The following CDH2 variants were observed in gnomAD, a reference collection of about 807,000 sequenced individuals.
CDH2 encodes cadherin-2.
CDH2 carries 17 observed loss-of-function variants against 92.0 expected under a neutral mutation model. That is an observed-to-expected ratio of 0.18 (90% CI 0.13 to 0.28). CDH2 has a LOEUF of 0.28. CDH2 is among the 10% of genes least tolerant of loss of function. The pLI, the probability that CDH2 is intolerant of heterozygous loss-of-function variation, is 1.00. For synonymous variants in CDH2, 419 were observed against 415.9 expected (o/e 1.01, Z -0.09); for missense variants, 862 against 1,133.1 (o/e 0.76, Z 3.44).
chr18:28,171,532 G>A (rs2016464322), intron 1 of CDH2, among the ~76,000 whole-genome samples: 1 of 152,036 alleles, frequency 6.6e-6, no homozygotes, highest in South Asian at 2.1e-4. Flanking sequence ...AGGTAGCACA[G>A]CCAATGAAGA....
chr18:28,020,375 C>A (rs1224607810), intron 2 of CDH2, among the ~76,000 whole-genome samples: 1 of 151,780 alleles, frequency 6.6e-6, no homozygotes, highest in Admixed American at 6.6e-5. Context: ...AAAAATAGTA[C>A]ATAGAAACGA....
downstream of CDH2, among the ~76,000 whole-genome samples, chr18:27,948,700 A>G (rs889153385): frequency 7.9e-5 from 12 of 151,978 alleles, no homozygotes; most frequent in African/African-American, 2.9e-4. Flanking sequence ...TAGTAATCAG[A>G]AAAGTCTAAT....
At chr18:27,996,696 TTTG>T (rs1599020262) in intron 7 of CDH2, among the ~76,000 whole-genome samples, 1 of 152,230 alleles carries the variant, frequency 6.6e-6, no homozygotes. Context: ...GGGCCCTTGC[TTTG>T]TTGATGCTTG....
At chr18:28,166,153 T>TATATAC (rs1292134875) in intron 1 of CDH2, among the ~76,000 whole-genome samples, 1 of 132,232 alleles carries the variant, frequency 7.6e-6, no homozygotes, top group Non-Finnish European at 1.6e-5. Context: ...CACACTCATA[T>TATATAC]ATATATATAT....
At chr18:27,994,378 GATT>G (rs1402161079) in intron 7 of CDH2, among the ~76,000 whole-genome samples, 5 of 152,192 alleles carry the variant, frequency 3.3e-5, no homozygotes, top group African/African-American at 1.2e-4. Context: ...ACATGTAGAT[GATT>G]ATTATTAGAC....
At chr18:28,129,082 C>T (rs987979279) in intron 2 of CDH2, among the ~76,000 whole-genome samples, 2 of 152,134 alleles carry the variant, frequency 1.3e-5, no homozygotes, top group African/African-American at 2.4e-5. Flanking sequence ...CATTAGGCAT[C>T]GTATGTTAAG....
intron 2 of CDH2, among the ~76,000 whole-genome samples, chr18:28,130,094 A>G (rs1241122156): frequency 1.3e-5 from 2 of 152,220 alleles, no homozygotes; most frequent in Non-Finnish European, 2.9e-5. Context: ...ATTGTAGAGC[A>G]TAAAGAAACT....
At chr18:28,157,067 T>G (rs1299492524) in intron 1 of CDH2, among the ~76,000 whole-genome samples, 1 of 152,162 alleles carries the variant, frequency 6.6e-6, no homozygotes, top group African/African-American at 2.4e-5. Flanking sequence ...ACCTACAGAT[T>G]TAATTGGCAG....
intron 1 of CDH2, among the ~76,000 whole-genome samples, chr18:28,160,676 C>T (rs781720825): frequency 1.7e-4 from 26 of 152,158 alleles, no homozygotes; most frequent in Non-Finnish European, 3.7e-4. Context: ...ACTGAAAACA[C>T]CTGTTCCACC....
chr18:27,969,292 T>C (rs1439423124), intron 14 of CDH2, among the ~76,000 whole-genome samples: 1 of 152,230 alleles, frequency 6.6e-6, no homozygotes, highest in African/African-American at 2.4e-5. Context: ...CTATACATTT[T>C]AATCTTACTG....
intron 2 of CDH2, among the ~76,000 whole-genome samples, chr18:28,124,268 G>A (rs1034296222): frequency 6.6e-6 from 1 of 151,990 alleles, no homozygotes; most frequent in African/African-American, 2.4e-5. Context: ...TCATTTGGAA[G>A]GACATTATTT....
chr18:28,090,866 T>C (rs1208671267), intron 2 of CDH2, among the ~76,000 whole-genome samples: 1 of 152,168 alleles, frequency 6.6e-6, no homozygotes, highest in Non-Finnish European at 1.5e-5. Flanking sequence ...AATAATCCTT[T>C]TATTCCTTTT....
intron 3 of CDH2, among the ~76,000 whole-genome samples, chr18:28,012,364 T>G (rs1194651668): frequency 2.0e-5 from 3 of 152,212 alleles, no homozygotes; most frequent in African/African-American, 7.2e-5. Flanking sequence ...ACATTAAATT[T>G]AGATCTTGAT....
chr18:28,041,924 A>G (rs1372753534), intron 2 of CDH2, among the ~76,000 whole-genome samples: 1 of 152,186 alleles, frequency 6.6e-6, no homozygotes, highest in Non-Finnish European at 1.5e-5. Context: ...TATTTATTAA[A>G]GAAACAAATT....
intron 2 of CDH2, among the ~76,000 whole-genome samples, chr18:28,092,789 T>C (rs2015060314): frequency 6.6e-6 from 1 of 152,226 alleles, no homozygotes; most frequent in South Asian, 2.1e-4. Flanking sequence ...AACAGAATTG[T>C]AGAAGTCTTC....
chr18:27,980,185 A>G (rs1368137054), intron 14 of CDH2, among the ~76,000 whole-genome samples: 1 of 152,186 alleles, frequency 6.6e-6, no homozygotes, highest in Non-Finnish European at 1.5e-5. Flanking sequence ...AACTTAAGTC[A>G]CCGTGAGTCA....
At chr18:28,104,907 A>C (rs975885535) in intron 2 of CDH2, among the ~76,000 whole-genome samples, 1 of 152,028 alleles carries the variant, frequency 6.6e-6, no homozygotes, top group African/African-American at 2.4e-5. Flanking sequence ...GATACTCACC[A>C]TAATGAAATA....
intron 6 of CDH2, among the ~76,000 whole-genome samples, chr18:27,936,090 T>G (rs1160342191): frequency 6.6e-6 from 1 of 152,192 alleles, no homozygotes; most frequent in Admixed American, 6.5e-5. Flanking sequence ...TTCTTGACAA[T>G]AGAAGACAGA....
intron 2 of CDH2, among the ~76,000 whole-genome samples, chr18:28,146,907 C>A (rs886355618): frequency 1.3e-5 from 2 of 151,966 alleles, no homozygotes; most frequent in African/African-American, 4.8e-5. Flanking sequence ...TGACATTTTG[C>A]GTAATAATAA....
Sources: allele counts gnomAD v4.1 joint callset (sites outside exome capture counted in the v4.1 genomes callset), GRCh38; gene constraint gnomAD v4.1.1; transcripts MANE v1.5; gene names NCBI Gene and HGNC (gene_info 2026-07-23, HGNC 2026-07-21).